The following ITPR1 variants were observed in gnomAD, a reference collection of about 807,000 sequenced individuals.
The protein encoded by ITPR1 is inositol 1,4,5-trisphosphate receptor type 1.
In ITPR1, 96 loss-of-function variants were observed where a neutral mutation model predicts 318.4. The ratio of observed to expected loss-of-function variants is 0.30; its 90% CI spans 0.26 to 0.36. The LOEUF (loss-of-function observed/expected upper bound fraction) is 0.36, where lower values mean the gene tolerates loss of function less well. Among genes scored for constraint, ITPR1 ranks in the 10% least tolerant of loss-of-function variants. The probability of loss-of-function intolerance (pLI) is 1.00; values close to 1 mark genes in which losing one functional copy is unlikely to be tolerated. For missense variants in ITPR1, 2,440 were observed against 3,460.2 expected (o/e 0.71, Z 7.40); for synonymous variants, 1,312 against 1,289.9 (o/e 1.02, Z -0.37).
intron 4 of ITPR1, among the ~76,000 whole-genome samples, chr3:4,535,602 C>T (rs1375473404): frequency 6.6e-6 from 1 of 151,556 alleles, no homozygotes; most frequent in Non-Finnish European, 1.5e-5. Context: ...GCCACCACGC[C>T]CGGCTAATTT....
chr3:4,629,032 C>A (rs1340661486), intron 5 of ITPR1, among the ~76,000 whole-genome samples: 2 of 152,042 alleles, frequency 1.3e-5, no homozygotes, highest in African/African-American at 4.8e-5. Flanking sequence ...GGCTCCTCAC[C>A]TCAGGGAGCT....
chr3:4,731,789 T>A (rs1405888368), intron 42 of ITPR1, among the ~76,000 whole-genome samples: 1 of 152,196 alleles, frequency 6.6e-6, no homozygotes, highest in Non-Finnish European at 1.5e-5. Context: ...CCTGCTTCAG[T>A]CTGCTCCCTC....
At chr3:4,819,764 AAG>A (rs1284381048) in intron 60 of ITPR1, among the ~76,000 whole-genome samples, 4 of 152,204 alleles carry the variant, frequency 2.6e-5, no homozygotes, top group East Asian at 3.8e-4. Context: ...AAGGTTTTGA[AAG>A]AGAGGATGAA....
At chr3:4,574,599 G>A (rs1347611697) in intron 4 of ITPR1, among the ~76,000 whole-genome samples, 1 of 152,128 alleles carries the variant, frequency 6.6e-6, no homozygotes, top group Non-Finnish European at 1.5e-5. Context: ...CATGTATAAC[G>A]GCTTTGTTTT....
intron 4 of ITPR1, among the ~76,000 whole-genome samples, chr3:4,568,903 G>A (rs2087680959): frequency 6.6e-6 from 1 of 152,182 alleles, no homozygotes; most frequent in Non-Finnish European, 1.5e-5. Context: ...GTGCTGGCTT[G>A]TGCTTAGCTT....
chr3:4,494,368 A>C (rs758603466), intron 1 of ITPR1, 63 bp from the exon 2 acceptor site: 4 of 152,256 alleles, frequency 2.6e-5, no homozygotes, highest in African/African-American at 4.8e-5. Flanking sequence ...AATTTGGAGC[A>C]TTTCTGTTAG....
rs1414031340 is a variant in ITPR1 at position 4,642,184 on chromosome 3, A to G, written c.458A>G (p.Glu153Gly). The change falls in exon 7 of 62, where the codon GAG becomes GGG. Residue 153 changes from glutamate to glycine, a missense_variant. Transcript: ENST00000649015. ...EKNAMRVTLD[E>G]AGNEGSWFYI... ...AATGCCATGAGAGTCACATTGGACG[A>G]GGCTGGAAATGAAGGGTCCTGGTTT... 1.2e-6 allele frequency: 2 copies of G among 1,608,500 alleles called. No homozygotes were observed. The highest frequency in any genetic ancestry group is 2.7e-5 in the African/African-American group (2 of 74,686).
chr3:4,837,379 T>C (rs2050998792), intron 61 of ITPR1, among the ~76,000 whole-genome samples: 1 of 152,050 alleles, frequency 6.6e-6, no homozygotes, highest in South Asian at 2.1e-4. Flanking sequence ...GGCTAAACCA[T>C]AGTCATGGAA....
At chr3:4,825,183 T>C (rs2049993364) in intron 60 of ITPR1, among the ~76,000 whole-genome samples, 1 of 152,222 alleles carries the variant, frequency 6.6e-6, no homozygotes, top group Non-Finnish European at 1.5e-5. Context: ...TCTCTTTGCC[T>C]CTCCTGCTCC....
chr3:4,584,412 C>T (rs533791111), intron 4 of ITPR1, among the ~76,000 whole-genome samples: 18 of 152,062 alleles, frequency 1.2e-4, no homozygotes, highest in Admixed American at 6.5e-4. Flanking sequence ...AGCCTAAAAA[C>T]GAAGTTTACA....
At chr3:4,819,546 A>C (rs2049541233) in intron 60 of ITPR1, among the ~76,000 whole-genome samples, 1 of 152,214 alleles carries the variant, frequency 6.6e-6, no homozygotes. Flanking sequence ...ATGCTTACTT[A>C]AGATTACTCT....
chr3:4,557,377 A>G (rs2086232464), intron 4 of ITPR1, among the ~76,000 whole-genome samples: 3 of 152,178 alleles, frequency 2.0e-5, no homozygotes, highest in South Asian at 2.1e-4. Flanking sequence ...CCATGAATCA[A>G]TTACCTCCCG....
chr3:4,798,981 A>G (rs1559915744), intron 53 of ITPR1, among the ~76,000 whole-genome samples: 1 of 152,252 alleles, frequency 6.6e-6, no homozygotes, highest in Non-Finnish European at 1.5e-5. Context: ...TTTTAGAGTG[A>G]TAAAAATGTT....
At chr3:4,645,310 C>T (rs1033501032) in intron 8 of ITPR1, 77 bp from the exon 9 acceptor site, 30 of 949,034 alleles carry the variant, frequency 3.2e-5, no homozygotes, top group Middle Eastern at 2.8e-4. Flanking sequence ...TCCTAGGCTG[C>T]GGTGAGAAGT....
rs985943963 is a variant in ITPR1, at chr3:4,662,137, C to T, written c.1307C>T (p.Ser436Phe). Residue 436 changes from serine (S) to phenylalanine (F), a missense_variant, in exon 15 of 62, where the codon TCT becomes TTT. By Grantham distance (155) the Ser-to-Phe change is radical. Around this residue, in one of 23 missense-constraint regions of ITPR1, gnomAD observed 3 missense variants for 20.3 expected, o/e 0.15. Transcript: ENST00000649015. ...GAAGCATTTGCCATAGTTCCGGTTT[C>T]TCCTGCTGAAGTTCGGGACCTGGAC... is the stretch of plus-strand genomic sequence containing the variant. ...DKEAFAIVPV[S>F]PAEVRDLDFA... is the part of the protein sequence containing the mutation. 6.2e-7 allele frequency: 1 copy of T among 1,613,716 alleles called. No homozygotes were observed. Among genetic ancestry groups the T allele is most frequent in the Non-Finnish European group, 8.5e-7 (1 of 1,179,754 alleles).
chr3:4,595,364 A>G (rs920806342), intron 4 of ITPR1, among the ~76,000 whole-genome samples: 3 of 152,168 alleles, frequency 2.0e-5, no homozygotes, highest in Non-Finnish European at 4.4e-5. Flanking sequence ...GGTGCCACAC[A>G]CTTTTAAACA....
At chr3:4,793,397 C>T (rs1180775779) in intron 52 of ITPR1, among the ~76,000 whole-genome samples, 1 of 152,218 alleles carries the variant, frequency 6.6e-6, no homozygotes, top group Non-Finnish European at 1.5e-5. Context: ...TTTATACACA[C>T]ACTAGTGTGG....
chr3:4,718,425 C>G (rs184084778), intron 40 of ITPR1, among the ~76,000 whole-genome samples: 2 of 152,106 alleles, frequency 1.3e-5, no homozygotes, highest in Admixed American at 1.3e-4. Flanking sequence ...ATTAATACAC[C>G]GTAATTTCAG....
rs938063896 is a variant in ITPR1 at position 4,813,006 on chromosome 3, G to T, written c.7469-136G>T. The stretch of plus-strand genomic sequence containing the variant: ...AAATGAAAGTGTAAATTGCATTTCT[G>T]CTTTGAATTTATATGCAAGATTCTA... On this transcript the variant is annotated intron_variant, in intron 56 of 61. Transcript: ENST00000649015. 1.1e-5 allele frequency: 8 copies of T among 707,340 alleles called. No individual in the cohort carries two copies. The South Asian group carries it at 1.4e-4, about 12-fold the overall frequency. 43.8% of individuals were successfully genotyped at this position (707,340 alleles called of 1,614,324 possible). A position where few individuals can be genotyped will look rare whatever the true frequency, so the allele number is the denominator to read the frequency against.
Sources: allele counts gnomAD v4.1 joint callset (sites outside exome capture counted in the v4.1 genomes callset), GRCh38; gene constraint gnomAD v4.1.1; regional missense constraint gnomAD v4.1.1; transcripts MANE v1.5; gene names NCBI Gene and HGNC (gene_info 2026-07-23, HGNC 2026-07-21).